The following RALGAPA1 variants were observed in gnomAD, a reference collection of about 807,000 sequenced individuals.
RALGAPA1 encodes the protein Ral GTPase activating protein catalytic subunit alpha 1.
Under a neutral mutation model 269.6 loss-of-function variants are expected in RALGAPA1, and 52 were observed. The observed-to-expected ratio is 0.19, with a 90% CI of 0.15 to 0.24. RALGAPA1 has a LOEUF of 0.24. RALGAPA1 is among the 10% of genes least tolerant of loss of function. RALGAPA1 has a pLI of 1.00. For synonymous variants in RALGAPA1, 817 were observed against 1,008.3 expected, an observed-to-expected ratio of 0.81 and a Z score of 3.60; for missense variants, 1,917 against 3,013.9, an observed-to-expected ratio of 0.64 and a Z score of 8.52.
intron 4 of RALGAPA1, 50 bp downstream of exon 4, chr14:35,770,892 C>A (rs1829094414): frequency 1.5e-6 from 1 of 680,980 alleles, no homozygotes; most frequent in Non-Finnish European, 2.3e-6. Context: ...GAACATTTTT[C>A]ATATATTATC....
At chr14:35,808,628 C>T (rs1479434717) in intron 1 of RALGAPA1, 102 bp downstream of exon 1, 1 of 1,318,868 alleles carries the variant, frequency 7.6e-7, no homozygotes, top group Non-Finnish European at 1.1e-6. Context: ...GATTTGCCCT[C>T]TCCTGCACCG....
chr14:35,584,157 G>A lies in RALGAPA1; in HGVS notation c.7210-11439C>T, dbSNP rs528694449. Among the ~76,000 whole-genome samples, 265 of 151,974 alleles carry A rather than the reference G, an allele frequency of 1.7e-3. 1 individual carries two copies. Among genetic ancestry groups the A allele is most frequent in the Non-Finnish European group, 2.0e-3 (135 of 67,984 alleles). ...TGCTCATATTCATATATATATATAG[G>A]TTTATATATACCTAAAACAAGCGAA... On this transcript the variant is annotated intron_variant, in intron 37 of 41. Transcript: ENST00000680220.
chr14:35,699,635 T>C (rs960734836), intron 17 of RALGAPA1, among the ~76,000 whole-genome samples: 1 of 152,100 alleles, frequency 6.6e-6, no homozygotes. Flanking sequence ...TTATATGTAA[T>C]ATAAATACAA....
At chr14:35,580,268 T>C (rs1182565754) in intron 37 of RALGAPA1, among the ~76,000 whole-genome samples, 1 of 152,192 alleles carries the variant, frequency 6.6e-6, no homozygotes, top group Non-Finnish European at 1.5e-5. Flanking sequence ...CAGCTACCTA[T>C]GAAGCAGAGT....
chr14:35,765,595 G>A (rs1212759989), intron 4 of RALGAPA1, among the ~76,000 whole-genome samples: 1 of 151,892 alleles, frequency 6.6e-6, no homozygotes, highest in Admixed American at 6.6e-5. Context: ...TGGCCTCTTG[G>A]TCTCAAGTTA....
chr14:35,741,845 G>C (rs2071582482), intron 11 of RALGAPA1, among the ~76,000 whole-genome samples: 1 of 152,138 alleles, frequency 6.6e-6, no homozygotes, highest in Non-Finnish European at 1.5e-5. Flanking sequence ...TCCCTGCTGT[G>C]AGTAAACTCT....
At chr14:35,743,796 A>G (rs1439509665) in intron 10 of RALGAPA1, among the ~76,000 whole-genome samples, 3 of 152,214 alleles carry the variant, frequency 2.0e-5, no homozygotes, top group Admixed American at 2.0e-4. Context: ...TAAGGCTTGC[A>G]TATTTCATTT....
rs750062810 is a variant in RALGAPA1, at chr14:35,561,506, G to GTT, written c.7496+9109_7496+9110dup. Among the ~76,000 whole-genome samples, 73 of 72,916 alleles carry GTT rather than the reference G, an allele frequency of 1.0e-3. 3 individuals carry two copies. The highest frequency in any genetic ancestry group is 3.5e-3 in the East Asian group (7 of 1,972). 47.8% of individuals were successfully genotyped at this position (72,916 alleles called of 152,430 possible). A position where few individuals can be genotyped will look rare whatever the true frequency, so the allele number is the denominator to read the frequency against. On this transcript the variant is annotated intron_variant, in intron 39 of 41. Coordinates refer to ENST00000680220, the MANE Select transcript of RALGAPA1 (RefSeq NM_001346249.2). ...GTAATGCCATGTCTTTAATATAGGA[G>GTT]TTTTTTTTTTTTTTTTTTTTTTTTT...
At chr14:35,712,443 G>T (rs911642260) in intron 16 of RALGAPA1, among the ~76,000 whole-genome samples, 10 of 151,890 alleles carry the variant, frequency 6.6e-5, no homozygotes, top group Middle Eastern at 3.4e-3. Context: ...CAAGTATACT[G>T]GCAACAGATT....
intron 6 of RALGAPA1, among the ~76,000 whole-genome samples, chr14:35,758,682 T>A (rs2073415867): frequency 6.6e-6 from 1 of 152,086 alleles, no homozygotes; most frequent in Non-Finnish European, 1.5e-5. Context: ...AAGGCTACAG[T>A]GCATTATGAT....
intron 26 of RALGAPA1, among the ~76,000 whole-genome samples, chr14:35,668,210 T>C (rs1314769895): frequency 6.6e-6 from 1 of 152,122 alleles, no homozygotes; most frequent in Non-Finnish European, 1.5e-5. Flanking sequence ...AGGCTGGGCA[T>C]GGTGGCTCAC....
chr14:35,645,388 T>G (rs1232288984), intron 31 of RALGAPA1, among the ~76,000 whole-genome samples: 1 of 149,772 alleles, frequency 6.7e-6, no homozygotes, highest in Non-Finnish European at 1.5e-5. Context: ...TGTGTGTGTG[T>G]GTATATGTTA....
At chr14:35,539,726 C>T (rs1287286948) in intron 41 of RALGAPA1, 36 bp from the exon 42 acceptor site, 2 of 1,608,650 alleles carry the variant, frequency 1.2e-6, no homozygotes, top group South Asian at 1.1e-5. Context: ...TACAGTTATC[C>T]AGCCTCTCAT....
chr14:35,746,510 A>G (rs889865361), intron 10 of RALGAPA1, among the ~76,000 whole-genome samples: 3 of 152,198 alleles, frequency 2.0e-5, no homozygotes, highest in Non-Finnish European at 4.4e-5. Context: ...AAACATCACA[A>G]TGTACACCTT....
chr14:35,576,400 C>T (rs916600339), intron 37 of RALGAPA1, among the ~76,000 whole-genome samples: 2 of 152,176 alleles, frequency 1.3e-5, no homozygotes, highest in Non-Finnish European at 2.9e-5. Context: ...TTTCCCTTGC[C>T]AGGTTCAGAT....
intron 2 of RALGAPA1, 105 bp downstream of exon 2, chr14:35,775,530 G>A: frequency 7.2e-7 from 1 of 1,385,084 alleles, no homozygotes; most frequent in Non-Finnish European, 9.5e-7. Context: ...GCAAAAAGCT[G>A]TCCGACAAAA....
At position 35,627,169 on chromosome 14, in the gene RALGAPA1, T is replaced by C. The variant is rs1594877705; in HGVS notation, c.6778A>G (p.Ile2260Val). The change falls in exon 34 of 42, where the codon ATA (isoleucine) becomes GTA (valine). Residue 2260 changes from isoleucine (I) to valine (V), a missense_variant. Ile to Val is a conservative substitution (Grantham distance 29, BLOSUM62 3). Around this residue, in one of 11 missense-constraint regions of RALGAPA1, gnomAD observed 132 missense variants for 271.2 expected, o/e 0.49. Coordinates refer to ENST00000680220, the MANE Select transcript of RALGAPA1 (RefSeq NM_001346249.2). Reference protein sequence around the residue: ...NMKAVEQDEPIPQKPQSAFYY... With the variant: ...NMKAVEQDEPVPQKPQSAFYY... ...AATGCTGACTGAGGTTTTTGAGGTA[T>C]TGGTTCATCTTGTTCCACAGCTTTC... 1 of 1,579,390 alleles carries C rather than the reference T, an allele frequency of 6.3e-7. No homozygotes were observed. Among genetic ancestry groups the C allele is most frequent in the Non-Finnish European group, 8.6e-7 (1 of 1,169,092 alleles).
intron 40 of RALGAPA1, 118 bp downstream of exon 40, chr14:35,548,992 A>G (rs2139092768): frequency 1.7e-6 from 2 of 1,171,738 alleles, no homozygotes; most frequent in Non-Finnish European, 2.4e-6. Flanking sequence ...AATATTAAAT[A>G]GTGATTAAAA....
chr14:35,688,628 C>A lies in RALGAPA1; in HGVS notation c.3783G>T (p.Glu1261Asp). 1 of 1,533,982 alleles carries A rather than the reference C, an allele frequency of 6.5e-7. No homozygotes were observed. The highest frequency in any genetic ancestry group is 8.7e-7 in the Non-Finnish European group (1 of 1,146,330). ...SRSTLRSSSH[E>D]AGLQQGSLGG... The stretch of plus-strand genomic sequence containing the variant: ...CCAGGGAGCCCTGCTGTAGTCCTGC[C>A]TCATGACTTGATGACCTAAGAGTAC... The change falls in exon 18 of 42, where the codon GAG (glutamate) becomes GAT (aspartate). Residue 1261 changes from glutamate (E) to aspartate (D), a missense_variant. By Grantham distance (45) the Glu-to-Asp change is conservative (BLOSUM62 2). Coordinates refer to ENST00000680220, the MANE Select transcript of RALGAPA1 (RefSeq NM_001346249.2).
Sources: allele counts gnomAD v4.1 joint callset (sites outside exome capture counted in the v4.1 genomes callset), GRCh38; gene constraint gnomAD v4.1.1; regional missense constraint gnomAD v4.1.1; transcripts MANE v1.5; gene names NCBI Gene and HGNC (gene_info 2026-07-23, HGNC 2026-07-21).